The following MCPH1 variants were observed in gnomAD, a reference collection of about 807,000 sequenced individuals.
The protein encoded by MCPH1 is microcephalin.
Under a neutral mutation model 84.5 loss-of-function variants are expected in MCPH1, and 104 were observed. That is an observed-to-expected ratio of 1.23 (90% CI 1.05 to 1.45). The LOEUF (loss-of-function observed/expected upper bound fraction) is 1.45, where lower values mean the gene tolerates loss of function less well. Among genes scored for constraint, MCPH1 ranks in the 40% most tolerant of loss-of-function variants. MCPH1 has a pLI of 0.00. For synonymous variants in MCPH1, 514 were observed against 366.8 expected, an observed-to-expected ratio of 1.40 and a Z score of -4.58; for missense variants, 1,498 against 1,005.7, an observed-to-expected ratio of 1.49 and a Z score of -6.62.
intron 12 of MCPH1, among the ~76,000 whole-genome samples, chr8:6,520,258 A>G (rs536276656): frequency 6.1e-4 from 93 of 152,344 alleles, no homozygotes; most frequent in African/African-American, 1.7e-3. Flanking sequence ...CTGATGATCA[A>G]TTACATGTAA....
intron 12 of MCPH1, among the ~76,000 whole-genome samples, chr8:6,594,039 C>T (rs1354950720): frequency 6.6e-6 from 1 of 152,194 alleles, no homozygotes; most frequent in Non-Finnish European, 1.5e-5. Context: ...CCTGGGTTTT[C>T]CTGGGTGCAT....
intron 11 of MCPH1, 180 bp from the exon 12 acceptor site, chr8:6,499,672 T>C (rs955294355): frequency 8.7e-6 from 5 of 577,054 alleles, no homozygotes; most frequent in African/African-American, 5.6e-5. Flanking sequence ...CAACTTTTTA[T>C]TAATATTCAT....
chr8:6,608,549 G>A (rs1829978801), intron 12 of MCPH1, among the ~76,000 whole-genome samples: 1 of 152,154 alleles, frequency 6.6e-6, no homozygotes, highest in African/African-American at 2.4e-5. Flanking sequence ...AGTGCTCACT[G>A]ACAGATGTAA....
At chr8:6,598,058 C>T (rs573151087) in intron 12 of MCPH1, among the ~76,000 whole-genome samples, 2 of 152,316 alleles carry the variant, frequency 1.3e-5, no homozygotes, top group African/African-American at 4.8e-5. Context: ...AGCGGGCCTT[C>T]ACGTATTTAG....
intron 3 of MCPH1, among the ~76,000 whole-genome samples, chr8:6,422,704 C>A (rs1169237403): frequency 6.6e-6 from 1 of 152,158 alleles, no homozygotes; most frequent in South Asian, 2.1e-4. Context: ...TTTTTCTTTT[C>A]TGGAGACTGA....
At chr8:6,519,193 C>A (rs1002331861) in intron 12 of MCPH1, among the ~76,000 whole-genome samples, 1 of 152,216 alleles carries the variant, frequency 6.6e-6, no homozygotes, top group Non-Finnish European at 1.5e-5. Flanking sequence ...CAGCGGTTCT[C>A]ATGGTGTGGA....
chr8:6,416,124 T>C (rs564249817), intron 3 of MCPH1, among the ~76,000 whole-genome samples: 48 of 152,354 alleles, frequency 3.2e-4, no homozygotes, highest in African/African-American at 1.2e-3. Flanking sequence ...AGGTGATTGT[T>C]GTATGTTGAT....
At position 6,529,623 on chromosome 8, in the gene MCPH1, A is replaced by ATT. The variant is rs35322987; in HGVS notation, c.2214+29714_2214+29715dup. Among the ~76,000 whole-genome samples, 820 of 120,920 alleles carry ATT rather than the reference A, an allele frequency of 6.8e-3. 10 individuals are homozygous for ATT. The highest frequency in any genetic ancestry group is 0.019 in the African/African-American group (619 of 32,100). 79.3% of individuals were successfully genotyped at this position (120,920 alleles called of 152,430 possible). ...AAGTGCACACAAGCACGCCTGGCTA[A>ATT]TTTTTTTTTTTTTTTTTTTTTGGTA... On this transcript the variant is annotated intron_variant, in intron 12 of 13. Coordinates refer to ENST00000344683, the MANE Select transcript of MCPH1 (RefSeq NM_024596.5).
chr8:6,633,071 A>G (rs1298697939), intron 13 of MCPH1, among the ~76,000 whole-genome samples: 1 of 152,170 alleles, frequency 6.6e-6, no homozygotes, highest in East Asian at 1.9e-4. Flanking sequence ...AACTTTCTTA[A>G]CTATGGAGGT....
At chr8:6,468,876 G>A (rs1418017084) in intron 9 of MCPH1, among the ~76,000 whole-genome samples, 1 of 152,024 alleles carries the variant, frequency 6.6e-6, no homozygotes, top group African/African-American at 2.4e-5. Flanking sequence ...GGACAATGAA[G>A]TTTTGAAACT....
chr8:6,591,219 A>G (rs1029915000), intron 12 of MCPH1, among the ~76,000 whole-genome samples: 4 of 152,208 alleles, frequency 2.6e-5, no homozygotes, highest in African/African-American at 7.2e-5. Flanking sequence ...TTCCTATCGC[A>G]TTTTGACACC....
chr8:6,498,675 T>C (rs1478886651), intron 11 of MCPH1, among the ~76,000 whole-genome samples: 2 of 152,242 alleles, frequency 1.3e-5, no homozygotes, highest in Non-Finnish European at 2.9e-5. Flanking sequence ...GTTGTATTTC[T>C]CACTGTACTA....
intron 1 of MCPH1, among the ~76,000 whole-genome samples, chr8:6,408,437 G>C (rs562156662): frequency 1.7e-4 from 26 of 152,188 alleles, no homozygotes; most frequent in African/African-American, 6.3e-4. Flanking sequence ...GCCTAGGCTG[G>C]TCTTGAATTC....
rs998201065 is a variant in MCPH1 at position 6,447,351 on chromosome 8, C to T, written c.1825+1804C>T. ...TTATGGAGGGGTGAAAACTTCTGTA[C>T]AGCAAACTGTACCTCCAAATCTTTA... On this transcript the variant is annotated intron_variant, in intron 8 of 13. Transcript: ENST00000344683. The T allele has an allele frequency of 4.1e-6, 4 of 985,204 alleles. No homozygotes were observed. In the African/African-American group the frequency reaches 7.0e-5, roughly 17 times the overall value. The allele number at this position is 985,204 out of a possible 1,614,324, so 61.0% of individuals were successfully genotyped here.
chr8:6,543,112 C>A (rs780479668), intron 12 of MCPH1, among the ~76,000 whole-genome samples: 63 of 152,248 alleles, frequency 4.1e-4, no homozygotes, highest in Non-Finnish European at 6.0e-4. Flanking sequence ...ACTCCACCCC[C>A]AGCCAAGACT....
chr8:6,454,222 C>T (rs2129556711), intron 8 of MCPH1, among the ~76,000 whole-genome samples: 1 of 152,214 alleles, frequency 6.6e-6, no homozygotes, highest in South Asian at 2.1e-4. Flanking sequence ...TGTGAGCTCC[C>T]TAAGTGTGGG....
At chr8:6,505,513 A>AAT (rs1360358891) in intron 12 of MCPH1, among the ~76,000 whole-genome samples, 383 of 2,716 alleles carry the variant, frequency 0.14, 18 homozygotes, top group African/African-American at 0.25. Context: ...GTATATATAG[A>AAT]ATATATATTC....
chr8:6,551,877 A>C (rs574877575), intron 12 of MCPH1, among the ~76,000 whole-genome samples: 1 of 152,212 alleles, frequency 6.6e-6, no homozygotes, highest in Non-Finnish European at 1.5e-5. Flanking sequence ...CATTAAGACC[A>C]GTTTGTTTAG....
intron 12 of MCPH1, among the ~76,000 whole-genome samples, chr8:6,580,303 G>A (rs956935300): frequency 6.6e-6 from 1 of 151,928 alleles, no homozygotes; most frequent in African/African-American, 2.4e-5. Flanking sequence ...TCAGCCCTTC[G>A]CAGATGCTCA....
Sources: allele counts gnomAD v4.1 joint callset (sites outside exome capture counted in the v4.1 genomes callset), GRCh38; gene constraint gnomAD v4.1.1; transcripts MANE v1.5; gene names NCBI Gene and HGNC (gene_info 2026-07-23, HGNC 2026-07-21).